The following NCKAP5 variants were observed in gnomAD, a reference collection of about 807,000 sequenced individuals.
NCKAP5 encodes the protein nck-associated protein 5.
NCKAP5 carries 92 observed loss-of-function variants against 167.0 expected under a neutral mutation model. That is an observed-to-expected ratio of 0.55 (90% CI 0.47 to 0.66). The LOEUF is 0.66. Ranked by LOEUF, NCKAP5 falls within the 30% of genes least tolerant of loss-of-function variation. NCKAP5 has a pLI of 0.00. For missense variants in NCKAP5, 2,378 were observed against 2,315.0 expected, an observed-to-expected ratio of 1.03 and a Z score of -0.56; for synonymous variants, 891 against 877.4, an observed-to-expected ratio of 1.02 and a Z score of -0.27.
chr2:133,548,381 C>T (rs1006119265), intron 2 of NCKAP5, among the ~76,000 whole-genome samples: 5 of 151,902 alleles, frequency 3.3e-5, no homozygotes, highest in Non-Finnish European at 5.9e-5. Flanking sequence ...CAGAGAATGC[C>T]ACAAAGATAC....
chr2:132,736,283 T>C, intron 16 of NCKAP5, among the ~76,000 whole-genome samples: 1 of 152,236 alleles, frequency 6.6e-6, no homozygotes, highest in East Asian at 1.9e-4. Context: ...GTAGTTTCTT[T>C]AAGGCACAAT....
chr2:133,309,332 T>C (rs1237069030), intron 3 of NCKAP5, among the ~76,000 whole-genome samples: 1 of 152,186 alleles, frequency 6.6e-6, no homozygotes, highest in East Asian at 1.9e-4. Context: ...TTTAGAAAGC[T>C]TGATCTGAAA....
At chr2:132,827,779 C>T (rs1042653414) in intron 11 of NCKAP5, among the ~76,000 whole-genome samples, 9 of 152,062 alleles carry the variant, frequency 5.9e-5, no homozygotes, top group Non-Finnish European at 1.0e-4. Flanking sequence ...GCCTTGATTT[C>T]CTTTATACTG....
chr2:132,823,563 C>CA lies in NCKAP5; in HGVS notation c.808-26835dup, dbSNP rs1463568038. Reference sequence around the variant, plus strand: ...AATGCTAAAAGGAGTTTAAAATCTTCAAAGAAAACCTCAGAATACACCACA... The same window carrying CA: ...AATGCTAAAAGGAGTTTAAAATCTTCAAAAGAAAACCTCAGAATACACCACA... On this transcript the variant is annotated intron_variant, in intron 11 of 19. Transcript: ENST00000409261. 1.3e-3 allele frequency among the ~76,000 whole-genome samples: 190 copies of CA among 151,782 alleles called. 1 individual carries two copies. The highest frequency in any genetic ancestry group is 4.3e-3 in the African/African-American group (176 of 41,346).
At chr2:133,220,566 C>G (rs563497272) in intron 4 of NCKAP5, among the ~76,000 whole-genome samples, 3 of 152,218 alleles carry the variant, frequency 2.0e-5, no homozygotes, top group South Asian at 4.1e-4. Flanking sequence ...CTTATATATT[C>G]TTCAGAATAC....
intron 11 of NCKAP5, among the ~76,000 whole-genome samples, chr2:132,818,297 G>A (rs1446233480): frequency 1.3e-5 from 2 of 152,172 alleles, no homozygotes; most frequent in Non-Finnish European, 2.9e-5. Context: ...AATAATCTAA[G>A]CAATTGTCCT....
chr2:132,764,400 C>T (rs1341091414), intron 16 of NCKAP5, among the ~76,000 whole-genome samples: 1 of 152,218 alleles, frequency 6.6e-6, no homozygotes, highest in Non-Finnish European at 1.5e-5. Context: ...GTTGCCTTTG[C>T]TGGTTGCAAT....
At chr2:133,391,808 C>T (rs1687429848) in intron 3 of NCKAP5, among the ~76,000 whole-genome samples, 1 of 152,154 alleles carries the variant, frequency 6.6e-6, no homozygotes, top group South Asian at 2.1e-4. Context: ...GGAATCATGT[C>T]ACAGTTTTCC....
chr2:133,517,596 A>G lies in NCKAP5; in HGVS notation c.-61-9T>C, dbSNP rs1386347635. 3.9e-6 allele frequency: 4 copies of G among 1,020,756 alleles called. No individual in the cohort carries two copies. Among genetic ancestry groups the G allele is most frequent in the Non-Finnish European group, 5.6e-6 (4 of 709,888 alleles). 63.2% of individuals were successfully genotyped at this position (1,020,756 alleles called of 1,614,324 possible). A position where few individuals can be genotyped will look rare whatever the true frequency, so the allele number is the denominator to read the frequency against. ...GTCTGTTTCCAGGGTCACTGAAAAGAGTGAACATGTGTTTTACTATCCAAG... is the reference window on the plus strand; with the variant it reads ...GTCTGTTTCCAGGGTCACTGAAAAGGGTGAACATGTGTTTTACTATCCAAG... On this transcript the variant is annotated splice_polypyrimidine_tract_variant and intron_variant, in intron 2 of 19. Coordinates refer to ENST00000409261, the MANE Select transcript of NCKAP5 (RefSeq NM_207363.3).
At chr2:133,404,413 C>T (rs554872594) in intron 3 of NCKAP5, among the ~76,000 whole-genome samples, 4 of 152,176 alleles carry the variant, frequency 2.6e-5, no homozygotes, top group African/African-American at 9.6e-5. Context: ...CTGTTTTTTC[C>T]TATACATAGA....
rs1000015273 is a variant in NCKAP5 at position 133,112,251 on chromosome 2, G to A, written c.341+17727C>T. Among the ~76,000 whole-genome samples the A allele has an allele frequency of 2.3e-4, 35 of 152,232 alleles. 1 individual carries two copies. In the East Asian group the frequency reaches 6.6e-3, roughly 29 times the overall value. On this transcript the variant is annotated intron_variant, in intron 6 of 19. Coordinates refer to ENST00000409261, the MANE Select transcript of NCKAP5 (RefSeq NM_207363.3). ...GCACTTTGGGAGGCTGAGGCAGGTG[G>A]ATCACGAGGTCAGGAGATCGAGACC...
chr2:133,332,911 C>A (rs1004033767), intron 3 of NCKAP5, among the ~76,000 whole-genome samples: 1 of 152,202 alleles, frequency 6.6e-6, no homozygotes, highest in Admixed American at 6.5e-5. Context: ...CCTTCACGGG[C>A]AAATCCATCA....
chr2:133,007,521 C>A (rs1037797725), intron 6 of NCKAP5, among the ~76,000 whole-genome samples: 1 of 152,080 alleles, frequency 6.6e-6, no homozygotes. Flanking sequence ...TTGGGATAGG[C>A]TAGGTTATGC....
rs759705796 is a variant in NCKAP5 at position 132,782,990 on chromosome 2, C to A, written c.3821G>T (p.Arg1274Leu). 2 of 1,613,810 alleles carry A rather than the reference C, an allele frequency of 1.2e-6. No homozygotes were observed. Among genetic ancestry groups the A allele is most frequent in the East Asian group, 2.2e-5 (1 of 44,868 alleles). ...TGAGTGTGTACTGAAGCTGTGGCTG[C>A]GGGCTTTGGCGCCATTCATACCCAG... ...PALGMNGAKA[R>L]SHSFSTHSGD... Residue 1274 changes from arginine to leucine, a missense_variant, in exon 14 of 20, where the codon CGC becomes CTC. Physicochemically the swap from Arg to Leu is moderately radical, Grantham distance 102. Coordinates refer to ENST00000409261, the MANE Select transcript of NCKAP5 (RefSeq NM_207363.3).
chr2:133,525,323 G>A (rs376370788), intron 2 of NCKAP5, among the ~76,000 whole-genome samples: 21 of 152,120 alleles, frequency 1.4e-4, no homozygotes, highest in Admixed American at 6.5e-5. Flanking sequence ...CTCACTAAAC[G>A]TCTCACTAAT....
intron 8 of NCKAP5, chr2:132,926,273 T>G (rs1695881513): frequency 4.3e-6 from 1 of 232,008 alleles, no homozygotes; most frequent in Non-Finnish European, 9.6e-6. Flanking sequence ...ATACCACGTT[T>G]TCTTTATCCA....
chr2:133,224,312 T>C (rs1280638675), intron 4 of NCKAP5, among the ~76,000 whole-genome samples: 1 of 152,198 alleles, frequency 6.6e-6, no homozygotes, highest in African/African-American at 2.4e-5. Context: ...AGCACAAACA[T>C]ATCCTTAATA....
At chr2:133,000,568 T>C (rs2077744198) in intron 6 of NCKAP5, among the ~76,000 whole-genome samples, 1 of 152,172 alleles carries the variant, frequency 6.6e-6, no homozygotes, top group Non-Finnish European at 1.5e-5. Flanking sequence ...ACTTTGGATG[T>C]TCAAGACAAA....
At chr2:133,290,728 C>CTTTTTTTTTTT (rs58758295) in intron 4 of NCKAP5, among the ~76,000 whole-genome samples, 32 of 89,276 alleles carry the variant, frequency 3.6e-4, no homozygotes, top group Non-Finnish European at 4.6e-4. Context: ...AGAATTTCTC[C>CTTTTTTTTTTT]TTTTTTTTTT....
Sources: allele counts gnomAD v4.1 joint callset (sites outside exome capture counted in the v4.1 genomes callset), GRCh38; gene constraint gnomAD v4.1.1; transcripts MANE v1.5; gene names NCBI Gene and HGNC (gene_info 2026-07-23, HGNC 2026-07-21).